The following ANKS1A variants were observed in gnomAD, a reference collection of about 807,000 sequenced individuals.
ANKS1A encodes the protein ankyrin repeat and SAM domain-containing protein 1A.
Under a neutral mutation model 120.3 loss-of-function variants are expected in ANKS1A, and 55 were observed. That is an observed-to-expected ratio of 0.46 (90% CI 0.37 to 0.57). The LOEUF (loss-of-function observed/expected upper bound fraction) is 0.57. ANKS1A is among the 20% of genes least tolerant of loss of function. The probability of loss-of-function intolerance (pLI) is 0.00; values close to 1 mark genes in which losing one functional copy is unlikely to be tolerated. For missense variants in ANKS1A, 1,123 were observed against 1,480.3 expected, an observed-to-expected ratio of 0.76 and a Z score of 3.96; for synonymous variants, 590 against 604.7, an observed-to-expected ratio of 0.98 and a Z score of 0.36.
In ANKS1A at chr6:34,969,834, C is replaced by T. The variant is rs151162293; in HGVS notation, c.279-176C>T. Among the ~76,000 whole-genome samples the T allele has an allele frequency of 2.9e-3, 448 of 152,288 alleles. 2 individuals are homozygous for T. Among genetic ancestry groups the T allele is most frequent in the African/African-American group, 9.5e-3 (396 of 41,560 alleles). ...TCAAGGTGGTTCTGCTGCATATCAGCAGCTGTACAAGTAGCTCATGGAATA... is the reference window on the plus strand; with the variant it reads ...TCAAGGTGGTTCTGCTGCATATCAGTAGCTGTACAAGTAGCTCATGGAATA... On this transcript the variant is annotated intron_variant, in intron 2 of 23. Coordinates refer to ENST00000360359, the MANE Select transcript of ANKS1A (RefSeq NM_015245.3).
chr6:34,921,098 G>A (rs1215497523), intron 1 of ANKS1A, among the ~76,000 whole-genome samples: 1 of 152,228 alleles, frequency 6.6e-6, no homozygotes, highest in African/African-American at 2.4e-5. Flanking sequence ...GGAGAAGAGA[G>A]CTGCATTTTT....
At chr6:35,071,031 C>T (rs577503190) in intron 13 of ANKS1A, 1 of 484,458 alleles carries the variant, frequency 2.1e-6, no homozygotes, top group African/African-American at 2.0e-5. Flanking sequence ...TTGTCATCAA[C>T]CTTACTTAGG....
Position 34,889,351 on chromosome 6 carries a change from C to T in ANKS1A, c.-52C>T. 8.1e-7 allele frequency: 1 copy of T among 1,239,606 alleles called. No individual in the cohort carries two copies. The highest frequency in any genetic ancestry group is 1.0e-6 in the Non-Finnish European group (1 of 992,618). The allele number at this position is 1,239,606 out of a possible 1,614,324, so 76.8% of individuals were successfully genotyped here. On this transcript the variant is annotated 5_prime_UTR_variant, in exon 1 of 24. Coordinates refer to ENST00000360359, the MANE Select transcript of ANKS1A (RefSeq NM_015245.3). This position sits in a 1 kb window ranked among gnomAD's most constrained non-coding sequence, Gnocchi z 5.5. ...GAGACGGAAAGTTTGGGAGCCCGAG[C>T]AGGCTCGGCTGCAGCCTCGGGGAGG...
At chr6:35,016,093 A>G (rs536349136) in intron 10 of ANKS1A, among the ~76,000 whole-genome samples, 1 of 152,346 alleles carries the variant, frequency 6.6e-6, no homozygotes, top group African/African-American at 2.4e-5. Context: ...ATTTTTAAGT[A>G]TCATGCAGCC....
rs1777974984 is a variant in ANKS1A, at chr6:35,086,293, CTGT to C, written c.3303+362_3303+364del. ...AGGTGCCGCTGCCCCCCGATAGTCG[CTGT>C]TGTTACTGTCACACCTGCACCACCC... On this transcript the variant is annotated intron_variant, in intron 22 of 23. Coordinates refer to ENST00000360359, the MANE Select transcript of ANKS1A (RefSeq NM_015245.3). This position sits in a 1 kb window ranked among gnomAD's most constrained non-coding sequence, Gnocchi z 5.1. 7.6e-7 allele frequency: 1 copy of C among 1,315,124 alleles called. No homozygotes were observed. Among genetic ancestry groups the C allele is most frequent in the Non-Finnish European group, 9.9e-7 (1 of 1,006,296 alleles). The allele number at this position is 1,315,124 out of a possible 1,614,324, so 81.5% of individuals were successfully genotyped here.
In ANKS1A at chr6:34,988,655, T is replaced by C. The variant is rs896829647; in HGVS notation, c.1210-569T>C. ...ATAGAGTTTCATATAATACTTATTA[T>C]TGAAGGAGGCAACCAAGGATAAGAG... On this transcript the variant is annotated intron_variant, in intron 8 of 23. Transcript: ENST00000360359. 2.0e-5 allele frequency among the ~76,000 whole-genome samples: 3 copies of C among 152,212 alleles called. No homozygotes were observed. In the East Asian group the frequency reaches 5.8e-4, roughly 29 times the overall value.
chr6:34,972,667 T>C, intron 3 of ANKS1A: 1 of 980,892 alleles, frequency 1.0e-6, no homozygotes, highest in Non-Finnish European at 1.2e-6. Context: ...TGCCAGGAAT[T>C]CTCTGCATCA....
rs990917213 is a variant in ANKS1A at position 34,889,657 on chromosome 6, C to G, written c.197+58C>G. The stretch of plus-strand genomic sequence containing the variant: ...CAGACCCTTTCTCCCCCACCCGTCT[C>G]TTGGGTCCCCAGAGAGATCGGGGGT... On this transcript the variant is annotated intron_variant, in intron 1 of 23. Transcript: ENST00000360359. The surrounding 1 kb of genome is among the most constrained non-coding windows in gnomAD (Gnocchi z 5.5). The G allele has an allele frequency of 1.6e-6, 2 of 1,248,330 alleles. No homozygotes were observed. The highest frequency in any genetic ancestry group is 3.3e-5 in the East Asian group (1 of 30,734). 77.3% of individuals were successfully genotyped at this position (1,248,330 alleles called of 1,614,324 possible).
At chr6:34,983,238 G>A (rs1211204689) in intron 6 of ANKS1A, 24 bp downstream of exon 6, 2 of 1,611,962 alleles carry the variant, frequency 1.2e-6, no homozygotes, top group Admixed American at 1.7e-5. Context: ...TCCCTGTCTG[G>A]GTGACCAGGG....
In ANKS1A at chr6:35,070,826, T is replaced by G. The variant is rs1423844761; in HGVS notation, c.2185-7732T>G. 1.9e-3 allele frequency: 943 copies of G among 489,682 alleles called. 13 individuals carry two copies. Among genetic ancestry groups the G allele is most frequent in the African/African-American group, 0.018 (888 of 49,866 alleles). 30.3% of individuals were successfully genotyped at this position (489,682 alleles called of 1,614,324 possible). ...ACCCAGACACCCCTTTCTTTTTTCT[T>G]TGTGTGTGTGTGTGTGTGTGCGCGC... On this transcript the variant is annotated intron_variant, in intron 13 of 23. Coordinates refer to ENST00000360359, the MANE Select transcript of ANKS1A (RefSeq NM_015245.3).
downstream of ANKS1A, among the ~76,000 whole-genome samples, chr6:35,094,063 G>A (rs1778388167): frequency 6.6e-6 from 1 of 152,218 alleles, no homozygotes; most frequent in South Asian, 2.1e-4. Context: ...CACCTCAGGT[G>A]TCAGTGGAGG....
Position 35,016,102 on chromosome 6 carries a change from C to T in ANKS1A, c.1424-1371C>T, listed in dbSNP as rs111648017. Among the ~76,000 whole-genome samples the T allele has an allele frequency of 3.4e-3, 512 of 152,298 alleles. 3 individuals are homozygous for T. Among genetic ancestry groups the T allele is most frequent in the South Asian group, 0.02 (94 of 4,818 alleles). On this transcript the variant is annotated intron_variant, in intron 10 of 23. Transcript: ENST00000360359. Reference sequence around the variant, plus strand: ...AAAGGGATTTTTAAGTATCATGCAGCCCAGCCCAGTCACTTTAGACGCTGA... The same window carrying T: ...AAAGGGATTTTTAAGTATCATGCAGTCCAGCCCAGTCACTTTAGACGCTGA...
Position 34,970,468 on chromosome 6 carries a change from C to T in ANKS1A, c.435+302C>T, listed in dbSNP as rs142315329. Among the ~76,000 whole-genome samples, 325 of 152,186 alleles carry T rather than the reference C, an allele frequency of 2.1e-3. 1 individual carries two copies. The highest frequency in any genetic ancestry group is 2.3e-3 in the Non-Finnish European group (158 of 68,016). On this transcript the variant is annotated intron_variant, in intron 3 of 23. Coordinates refer to ENST00000360359, the MANE Select transcript of ANKS1A (RefSeq NM_015245.3). ...GTATACACAGTCAGCCCTTCGTTTC[C>T]AGGACCTCCCCATAGATACCAAAAT...
At position 34,932,825 on chromosome 6, in the gene ANKS1A, G is replaced by T. The variant is rs796787623; in HGVS notation, c.198-34414G>T. On this transcript the variant is annotated intron_variant, in intron 1 of 23. Coordinates refer to ENST00000360359, the MANE Select transcript of ANKS1A (RefSeq NM_015245.3). ...GCTACTTTGAACATCCATATACAAAGTTTTGTGTAGACCTATGCTTTCATT... is the reference window on the plus strand; with the variant it reads ...GCTACTTTGAACATCCATATACAAATTTTTGTGTAGACCTATGCTTTCATT... Among the ~76,000 whole-genome samples the T allele has an allele frequency of 3.3e-5, 5 of 152,290 alleles. 1 individual carries two copies. The highest frequency in any genetic ancestry group is 1.2e-4 in the African/African-American group (5 of 41,558).
chr6:35,062,334 C>T (rs974196613), intron 13 of ANKS1A, among the ~76,000 whole-genome samples: 1 of 152,184 alleles, frequency 6.6e-6, no homozygotes, highest in Non-Finnish European at 1.5e-5. Context: ...TGTGAATGGC[C>T]AGGTGGGCTG....
At chr6:34,959,439 A>G (rs1482642138) in intron 1 of ANKS1A, among the ~76,000 whole-genome samples, 2 of 148,200 alleles carry the variant, frequency 1.3e-5, no homozygotes, top group Non-Finnish European at 3.0e-5. Flanking sequence ...AATTCCTTAC[A>G]TAGTGCTCTG....
At chr6:35,025,034 G>A (rs546849900) in intron 11 of ANKS1A, among the ~76,000 whole-genome samples, 1 of 152,196 alleles carries the variant, frequency 6.6e-6, no homozygotes, top group Admixed American at 6.5e-5. Flanking sequence ...GACCTGGAGT[G>A]TCTATTTAAG....
At position 35,087,052 on chromosome 6, in the gene ANKS1A, A is replaced by G. The variant is rs549211171; in HGVS notation, c.3401+3A>G. 6.2e-7 allele frequency: 1 copy of G among 1,613,904 alleles called. No homozygotes were observed. The highest frequency in any genetic ancestry group is 1.7e-5 in the Admixed American group (1 of 60,028). On this transcript the variant is annotated splice_donor_region_variant and intron_variant, in intron 23 of 23. Coordinates refer to ENST00000360359, the MANE Select transcript of ANKS1A (RefSeq NM_015245.3). ...TCTAAGCGGAGCCTCAGCACCAAGT[A>G]TGAGACCACTATCTTCTAAAACAAC...
In ANKS1A at chr6:35,090,675, A is replaced by G. The variant is rs1186539946; in HGVS notation, c.*2066A>G. ...CTGGGATGGGTAGTCTCCCTTTCCT[A>G]GAAAGGTTATTATAACTTTAAGGAC... On this transcript the variant is annotated 3_prime_UTR_variant, in exon 24 of 24. Coordinates refer to ENST00000360359, the MANE Select transcript of ANKS1A (RefSeq NM_015245.3). 1.2e-5 allele frequency: 12 copies of G among 988,654 alleles called. No homozygotes were observed. Among genetic ancestry groups the G allele is most frequent in the Non-Finnish European group, 1.2e-5 (10 of 832,222 alleles). The allele number at this position is 988,654 out of a possible 1,614,324, so 61.2% of individuals were successfully genotyped here. A position where few individuals can be genotyped will look rare whatever the true frequency, so the allele number is the denominator to read the frequency against.
Sources: allele counts gnomAD v4.1 joint callset (sites outside exome capture counted in the v4.1 genomes callset), GRCh38; gene constraint gnomAD v4.1.1; non-coding constraint Gnocchi (gnomAD v3.1); transcripts MANE v1.5; gene names NCBI Gene and HGNC (gene_info 2026-07-23, HGNC 2026-07-21).